The following CACNA2D3 variants were observed in gnomAD, a reference collection of about 807,000 sequenced individuals.
CACNA2D3 encodes voltage-dependent calcium channel subunit alpha-2/delta-3.
In CACNA2D3, 60 loss-of-function variants were observed where a neutral mutation model predicts 160.6. The observed-to-expected ratio is 0.37, with a 90% CI of 0.30 to 0.46. CACNA2D3 has a LOEUF of 0.46. CACNA2D3 is among the 20% of genes least tolerant of loss of function. CACNA2D3 has a pLI of 1.00. For synonymous variants in CACNA2D3, 558 were observed against 492.9 expected (o/e 1.13, Z -1.75); for missense variants, 1,205 against 1,365.0 (o/e 0.88, Z 1.85).
At chr3:54,438,697 A>T (rs939359079) in intron 4 of CACNA2D3, among the ~76,000 whole-genome samples, 1 of 152,216 alleles carries the variant, frequency 6.6e-6, no homozygotes, top group Admixed American at 6.5e-5. Flanking sequence ...ATTTGCATAA[A>T]AGTAATCATA....
At chr3:54,238,790 G>A (rs1180753628) in intron 2 of CACNA2D3, among the ~76,000 whole-genome samples, 6 of 152,164 alleles carry the variant, frequency 3.9e-5, no homozygotes, top group African/African-American at 1.4e-4. Flanking sequence ...CCATGATGGG[G>A]CCAACTGAGA....
chr3:54,733,291 CATAG>C (rs1161319143), intron 11 of CACNA2D3, among the ~76,000 whole-genome samples: 1 of 152,152 alleles, frequency 6.6e-6, no homozygotes, highest in Non-Finnish European at 1.5e-5. Context: ...ACTTGGCAGT[CATAG>C]ATTTTCAGTT....
chr3:54,749,169 G>C (rs541918652), intron 11 of CACNA2D3, among the ~76,000 whole-genome samples: 1 of 152,094 alleles, frequency 6.6e-6, no homozygotes, highest in Non-Finnish European at 1.5e-5. Context: ...AATTTATGAA[G>C]TAAAAAGTAT....
chr3:54,751,230 A>G (rs1408045116), intron 11 of CACNA2D3, among the ~76,000 whole-genome samples: 3 of 152,024 alleles, frequency 2.0e-5, no homozygotes, highest in Non-Finnish European at 4.4e-5. Context: ...CTGCCCATCC[A>G]CCCCAGAAAT....
chr3:54,822,832 T>TCTCTTTC (rs1270493213), intron 14 of CACNA2D3, among the ~76,000 whole-genome samples: 2 of 57,982 alleles, frequency 3.4e-5, no homozygotes, highest in African/African-American at 1.7e-4. Context: ...TCTTTCTTTC[T>TCTCTTTC]TTTCTTTCTT....
chr3:54,621,927 T>C (rs1226695440), intron 9 of CACNA2D3, among the ~76,000 whole-genome samples: 1 of 152,248 alleles, frequency 6.6e-6, no homozygotes, highest in Non-Finnish European at 1.5e-5. Context: ...CACTTTTTTT[T>C]CTGTCACCAA....
chr3:54,965,292 C>A (rs1439333232), intron 27 of CACNA2D3, among the ~76,000 whole-genome samples: 1 of 152,182 alleles, frequency 6.6e-6, no homozygotes, highest in East Asian at 1.9e-4. Flanking sequence ...GCCATTTGAC[C>A]TCAGCCTGAA....
intron 2 of CACNA2D3, among the ~76,000 whole-genome samples, chr3:54,285,291 C>A (rs756002822): frequency 2.0e-5 from 3 of 152,236 alleles, no homozygotes; most frequent in Non-Finnish European, 4.4e-5. Flanking sequence ...TATTCCTCAC[C>A]TGGCTCGGAG....
chr3:54,725,395 C>G (rs1277992897), intron 11 of CACNA2D3, among the ~76,000 whole-genome samples: 1 of 152,168 alleles, frequency 6.6e-6, no homozygotes, highest in Non-Finnish European at 1.5e-5. Flanking sequence ...AAGAGGGAAT[C>G]CTCCCTAACT....
intron 2 of CACNA2D3, among the ~76,000 whole-genome samples, chr3:54,184,586 C>T (rs1700846094): frequency 6.6e-6 from 1 of 152,204 alleles, no homozygotes; most frequent in Non-Finnish European, 1.5e-5. Context: ...CTCATCTTTC[C>T]CTTGCCTTCA....
chr3:54,931,300 G>A (rs539149033), intron 27 of CACNA2D3, among the ~76,000 whole-genome samples: 57 of 152,268 alleles, frequency 3.7e-4, no homozygotes, highest in Admixed American at 1.3e-3. Context: ...GACCCCAATT[G>A]GGGGTTAAAA....
chr3:54,706,980 T>C (rs1331128743), intron 11 of CACNA2D3, among the ~76,000 whole-genome samples: 1 of 152,204 alleles, frequency 6.6e-6, no homozygotes, highest in African/African-American at 2.4e-5. Flanking sequence ...ACCATCCAGA[T>C]TGGGATTTCA....
chr3:54,505,006 CTATT>C (rs1404593688), intron 5 of CACNA2D3, among the ~76,000 whole-genome samples: 3 of 152,206 alleles, frequency 2.0e-5, no homozygotes, highest in Non-Finnish European at 4.4e-5. Flanking sequence ...TTCTAAGTCA[CTATT>C]TAAGGGGCTT....
intron 8 of CACNA2D3, among the ~76,000 whole-genome samples, chr3:54,577,766 C>G (rs533480908): frequency 6.6e-6 from 1 of 152,116 alleles, no homozygotes; most frequent in Admixed American, 6.5e-5. Flanking sequence ...TACCTGTTTC[C>G]CCAACACAAA....
intron 5 of CACNA2D3, among the ~76,000 whole-genome samples, chr3:54,547,672 CTT>C (rs55806357): frequency 0.36 from 25,139 of 69,226 alleles, 4,859 homozygotes; most frequent in Non-Finnish European, 0.39. Flanking sequence ...TCCCCCAACC[CTT>C]TTTTTTTTTT....
chr3:54,684,206 C>T (rs914933334), intron 11 of CACNA2D3, among the ~76,000 whole-genome samples: 2 of 151,974 alleles, frequency 1.3e-5, no homozygotes, highest in Non-Finnish European at 2.9e-5. Flanking sequence ...GTAATCTGCC[C>T]GTCTTGGCCT....
chr3:54,521,446 C>CG (rs1166882159), intron 5 of CACNA2D3, among the ~76,000 whole-genome samples: 10 of 92,280 alleles, frequency 1.1e-4, no homozygotes, highest in African/African-American at 3.8e-4. Flanking sequence ...GATACAAGTC[C>CG]CTTATCAAGA....
At chr3:54,675,830 G>T (rs889064280) in intron 11 of CACNA2D3, among the ~76,000 whole-genome samples, 7 of 152,166 alleles carry the variant, frequency 4.6e-5, no homozygotes, top group Non-Finnish European at 1.0e-4. Context: ...AGGCAGGCCT[G>T]TTCAGCTTTG....
chr3:54,207,733 G>A (rs1269247023), intron 2 of CACNA2D3, among the ~76,000 whole-genome samples: 1 of 152,140 alleles, frequency 6.6e-6, no homozygotes, highest in African/African-American at 2.4e-5. Context: ...TAGGGAGTGA[G>A]GAGGGTGCTT....
Sources: gnomAD v4.1 joint callset for allele counts (sites outside exome capture counted in the v4.1 genomes callset) on GRCh38, gnomAD v4.1.1 for gene constraint, MANE v1.5 for transcripts, NCBI Gene and HGNC (gene_info 2026-07-23, HGNC 2026-07-21) for gene names.